The following P2RX5 variants were observed in gnomAD, a reference collection of about 807,000 sequenced individuals.
The protein encoded by P2RX5 is P2X purinoceptor 5.
P2RX5 carries 46 observed loss-of-function variants against 54.1 expected under a neutral mutation model. The ratio of observed to expected loss-of-function variants is 0.85; its 90% confidence interval spans 0.67 to 1.09. The LOEUF (loss-of-function observed/expected upper bound fraction) is 1.09. P2RX5 is among the 50% of genes least tolerant of loss of function. P2RX5 has a pLI of 0.00. For missense variants in P2RX5, 566 were observed against 549.8 expected (o/e 1.03, Z -0.29); for synonymous variants, 226 against 226.4 (o/e 1.00, Z 0.02).
chr17:3,683,505 C>T (rs553863832), intron 9 of P2RX5, among the ~76,000 whole-genome samples: 8 of 152,108 alleles, frequency 5.3e-5, no homozygotes, highest in Admixed American at 2.6e-4. Flanking sequence ...CCGAGGTGGG[C>T]GGATCACCTG....
At chr17:3,674,458 C>T (rs1230767096) in intron 11 of P2RX5, among the ~76,000 whole-genome samples, 1 of 152,172 alleles carries the variant, frequency 6.6e-6, no homozygotes, top group Non-Finnish European at 1.5e-5. Flanking sequence ...GAGTGTGACA[C>T]TGTCTGGAAG....
chr17:3,709,773 G>T, the P2RX5 span, among the ~76,000 whole-genome samples: 1 of 152,260 alleles, frequency 6.6e-6, no homozygotes, highest in East Asian at 1.9e-4. Flanking sequence ...GCTGGGCATG[G>T]TGGCGGGTGC....
At chr17:3,720,044 A>G in the P2RX5 span, among the ~76,000 whole-genome samples, 1 of 151,776 alleles carries the variant, frequency 6.6e-6, no homozygotes, top group Non-Finnish European at 1.5e-5. Flanking sequence ...TTTTTTTTTT[A>G]ATCAATCCAT....
chr17:3,691,773 CTTCT>C lies in P2RX5; in HGVS notation c.155_158del (p.Lys52ArgfsTer55). The C allele has an allele frequency of 6.2e-7, 1 of 1,614,180 alleles. No homozygotes were observed. The highest frequency in any genetic ancestry group is 8.5e-7 in the Non-Finnish European group (1 of 1,180,026). On this transcript the variant is annotated frameshift_variant, in exon 2 of 12. Transcript: ENST00000225328. LOFTEE classifies it high-confidence loss of function. ...GGGAGGTGTCGACGTCTTGGTAACCCTTCTTTATCAGGAACACCCATCTGTGGGA... is the reference window on the plus strand; with the variant it reads ...GGGAGGTGTCGACGTCTTGGTAACCCTTATCAGGAACACCCATCTGTGGGA...
intron 1 of P2RX5, among the ~76,000 whole-genome samples, chr17:3,694,250 G>T (rs965076898): frequency 1.4e-5 from 2 of 144,476 alleles, no homozygotes; most frequent in Non-Finnish European, 3.0e-5. Context: ...AAAAAAGGCC[G>T]CATACTATAC....
At chr17:3,688,985 C>T (rs1567736427) in intron 7 of P2RX5, among the ~76,000 whole-genome samples, 1 of 152,194 alleles carries the variant, frequency 6.6e-6, no homozygotes, top group Admixed American at 6.5e-5. Flanking sequence ...AGAAGGGAGC[C>T]GCACAGGGTA....
intron 10 of P2RX5, among the ~76,000 whole-genome samples, chr17:3,681,432 G>A (rs570932362): frequency 1.9e-3 from 278 of 145,568 alleles, no homozygotes; most frequent in Non-Finnish European, 3.5e-3. Context: ...ACACCCCACC[G>A]AACCCAGGGC....
At chr17:3,720,262 G>C in the P2RX5 span, 1 of 905,048 alleles carries the variant, frequency 1.1e-6, no homozygotes, top group Non-Finnish European at 1.9e-6. Context: ...CAAAGGTTAG[G>C]CACAATTTTC....
chr17:3,712,980 T>G, the P2RX5 span, among the ~76,000 whole-genome samples: 57,591 of 151,970 alleles, frequency 0.38, 13,036 homozygotes, highest in South Asian at 0.59. Flanking sequence ...AATGGCCAGA[T>G]AAGATAAACA....
chr17:3,698,439 C>T (rs1354682354), upstream of P2RX5, among the ~76,000 whole-genome samples: 4 of 152,112 alleles, frequency 2.6e-5, no homozygotes, highest in Admixed American at 2.6e-4. Context: ...CCTGTTTGTT[C>T]TTTGAAGGGG....
intron 9 of P2RX5, among the ~76,000 whole-genome samples, chr17:3,683,202 T>C (rs2050334592): frequency 6.6e-6 from 1 of 151,974 alleles, no homozygotes. Context: ...GGGGCCTGAA[T>C]GATAGAGGAG....
the P2RX5 span, among the ~76,000 whole-genome samples, chr17:3,704,226 G>A: frequency 2.0e-5 from 3 of 152,196 alleles, no homozygotes; most frequent in African/African-American, 2.4e-5. Flanking sequence ...CCACCTCAAA[G>A]GAGCAGGAAG....
chr17:3,691,594 ACCAGGCAGTC>A (rs751405001), intron 2 of P2RX5, 40 bp downstream of exon 2: 1 of 1,610,878 alleles, frequency 6.2e-7, no homozygotes, highest in Admixed American at 1.7e-5. Context: ...ACCCACCCGA[ACCAGGCAGTC>A]CCTGCCAGCC....
chr17:3,722,234 C>A, the P2RX5 span, among the ~76,000 whole-genome samples: 1 of 151,752 alleles, frequency 6.6e-6, no homozygotes, highest in Non-Finnish European at 1.5e-5. Flanking sequence ...GTAATCCCAG[C>A]ACTTTGGGAG....
Position 3,681,921 on chromosome 17 carries a change from G to A in P2RX5, c.1039C>T (p.Arg347Cys), listed in dbSNP as rs368802913. Residue 347 changes from arginine (R) to cysteine (C), a missense_variant, in exon 10 of 12, where the codon CGT becomes TGT. Arg to Cys is a radical substitution (Grantham distance 180). Transcript: ENST00000225328. ...CTCACTTCCTCGTACTTCTTGTCAC[G>A]GTAAAACTCTCTCTTTTTGATGAGG... ...IYLIKKREFY[R>C]DKKYEEVRGL... 36 of 1,613,596 alleles carry A rather than the reference G, an allele frequency of 2.2e-5. No individual in the cohort carries two copies. Among genetic ancestry groups the A allele is most frequent in the Admixed American group, 3.3e-5 (2 of 60,018 alleles).
intron 9 of P2RX5, among the ~76,000 whole-genome samples, chr17:3,685,216 G>C (rs1243127340): frequency 6.6e-6 from 1 of 152,116 alleles, no homozygotes; most frequent in Non-Finnish European, 1.5e-5. Flanking sequence ...GGGATCCCAG[G>C]GATATCCCAG....
the P2RX5 span, chr17:3,720,178 C>T: frequency 1.9e-5 from 11 of 581,374 alleles, no homozygotes; most frequent in Non-Finnish European, 2.8e-5. Context: ...ACAAAGGCAG[C>T]GATGGCAGAG....
chr17:3,688,175 G>A, intron 8 of P2RX5, 70 bp from the exon 9 acceptor site: 2 of 836,362 alleles, frequency 2.4e-6, no homozygotes, highest in Non-Finnish European at 4.0e-6. Flanking sequence ...CACTGATGTG[G>A]CTGCTCTGGG....
At chr17:3,716,068 A>C in the P2RX5 span, among the ~76,000 whole-genome samples, 5 of 151,936 alleles carry the variant, frequency 3.3e-5, no homozygotes, top group South Asian at 4.2e-4. Context: ...GAGGCAGGAG[A>C]ATCTCTTGAA....
Sources: gnomAD v4.1 joint callset for allele counts (sites outside exome capture counted in the v4.1 genomes callset) on GRCh38, gnomAD v4.1.1 for gene constraint, MANE v1.5 for transcripts, NCBI Gene and HGNC (gene_info 2026-07-23, HGNC 2026-07-21) for gene names.